The following EPHB2 variants were observed in gnomAD, a reference collection of about 807,000 sequenced individuals.
The protein encoded by EPHB2 is ephrin type-B receptor 2.
A neutral mutation model predicts 96.4 loss-of-function variants in EPHB2; 18 were observed. The ratio of observed to expected loss-of-function variants is 0.19; its 90% CI spans 0.13 to 0.28. The LOEUF (loss-of-function observed/expected upper bound fraction) is 0.28. EPHB2 is among the 10% of genes least tolerant of loss of function. The pLI, the probability that EPHB2 is intolerant of heterozygous loss-of-function variation, is 1.00. For missense variants in EPHB2, 989 were observed against 1,355.4 expected (o/e 0.73, Z 4.25); for synonymous variants, 506 against 534.1 (o/e 0.95, Z 0.72).
intron 5 of EPHB2, among the ~76,000 whole-genome samples, chr1:22,877,213 A>G (rs950764684): frequency 6.6e-6 from 1 of 152,228 alleles, no homozygotes; most frequent in Admixed American, 6.5e-5. Context: ...TTTGAATCCC[A>G]GCTCCACTGC....
intron 3 of EPHB2, among the ~76,000 whole-genome samples, chr1:22,851,698 C>T (rs1478339488): frequency 2.0e-5 from 3 of 152,242 alleles, no homozygotes; most frequent in Non-Finnish European, 4.4e-5. Flanking sequence ...GCCTTACTCT[C>T]CAGCCTCATC....
intron 4 of EPHB2, among the ~76,000 whole-genome samples, chr1:22,863,521 C>A (rs893394452): frequency 6.6e-5 from 10 of 152,138 alleles, no homozygotes; most frequent in Non-Finnish European, 1.2e-4. Context: ...AAAAGGCTGC[C>A]CAGTGTTCTA....
chr1:22,769,727 A>C (rs948237613), intron 1 of EPHB2, among the ~76,000 whole-genome samples: 3 of 152,196 alleles, frequency 2.0e-5, no homozygotes, highest in Non-Finnish European at 4.4e-5. Context: ...AGTACTCAGC[A>C]TGGGCCTGAC....
At chr1:22,848,270 ACT>A (rs1268077023) in intron 3 of EPHB2, among the ~76,000 whole-genome samples, 1 of 151,760 alleles carries the variant, frequency 6.6e-6, no homozygotes, top group Non-Finnish European at 1.5e-5. Context: ...GGCCTCCAGA[ACT>A]CTGCTGTGTG....
chr1:22,782,155 G>C (rs1190710179), intron 2 of EPHB2, among the ~76,000 whole-genome samples: 1 of 152,182 alleles, frequency 6.6e-6, no homozygotes, highest in East Asian at 1.9e-4. Context: ...CTCACCAGCT[G>C]TGTGATTTGG....
At chr1:22,797,797 C>T (rs1356621622) in intron 3 of EPHB2, among the ~76,000 whole-genome samples, 2 of 152,150 alleles carry the variant, frequency 1.3e-5, no homozygotes, top group Admixed American at 1.3e-4. Flanking sequence ...CCTTTCTGAC[C>T]GGTCTCCTCC....
intron 3 of EPHB2, among the ~76,000 whole-genome samples, chr1:22,833,231 C>T (rs1645332499): frequency 6.6e-6 from 1 of 152,110 alleles, no homozygotes; most frequent in African/African-American, 2.4e-5. Flanking sequence ...GATTCTCCTG[C>T]CTTCAGCCTC....
At chr1:22,795,852 C>T (rs4655111) in intron 3 of EPHB2, among the ~76,000 whole-genome samples, 89,702 of 151,982 alleles carry the variant, frequency 0.59, 27,900 homozygotes, top group Middle Eastern at 0.71. Context: ...TCCAATCAGA[C>T]AGCTCCCCCC....
At chr1:22,772,799 C>T (rs948781730) in intron 1 of EPHB2, among the ~76,000 whole-genome samples, 3 of 152,188 alleles carry the variant, frequency 2.0e-5, no homozygotes, top group African/African-American at 4.8e-5. Flanking sequence ...ATGGGCTTTA[C>T]AGGGCGTGCA....
chr1:22,726,661 A>G (rs1396293898), intron 1 of EPHB2, among the ~76,000 whole-genome samples: 1 of 152,106 alleles, frequency 6.6e-6, no homozygotes, highest in African/African-American at 2.4e-5. Context: ...ACTTCAAGTG[A>G]TCTGCCCGCC....
chr1:22,757,908 CTTTTTTTTTTTTTTTT>C (rs1224799943), intron 1 of EPHB2, among the ~76,000 whole-genome samples: 1 of 54,136 alleles, frequency 1.8e-5, no homozygotes, highest in Non-Finnish European at 3.3e-5. Context: ...GTAAGCTATG[CTTTTTTTTTTTTTTTT>C]TTTTTTTTTT....
chr1:22,713,173 C>T (rs1184541686), intron 1 of EPHB2, among the ~76,000 whole-genome samples: 1 of 152,086 alleles, frequency 6.6e-6, no homozygotes, highest in Admixed American at 6.5e-5. Flanking sequence ...CTGCAGCAGG[C>T]ACCCCAATGC....
intron 3 of EPHB2, among the ~76,000 whole-genome samples, chr1:22,852,599 G>T (rs1442794717): frequency 6.6e-6 from 1 of 152,182 alleles, no homozygotes; most frequent in Non-Finnish European, 1.5e-5. Context: ...GGCAATGCGG[G>T]GGTCCAGGGG....
intron 1 of EPHB2, among the ~76,000 whole-genome samples, chr1:22,728,255 A>G (rs1643628263): frequency 6.6e-6 from 1 of 152,248 alleles, no homozygotes; most frequent in African/African-American, 2.4e-5. Flanking sequence ...AATAAGGAAT[A>G]CATATGATTT....
intron 3 of EPHB2, among the ~76,000 whole-genome samples, chr1:22,791,446 TC>T (rs1375346671): frequency 0.048 from 5,975 of 123,912 alleles, 320 homozygotes; most frequent in African/African-American, 0.12. Context: ...TACATGGGTT[TC>T]TTTCTTTCTT....
At position 22,893,030 on chromosome 1, in the gene EPHB2, C is replaced by G. The variant is rs1415181342; in HGVS notation, c.1575C>G (p.Phe525Leu). ...GGCGCTACAGCGGCAAGATGTACTTCCAGACCATGACAGAAGGTGAGCAGA... is the reference window on the plus strand; with the variant it reads ...GGCGCTACAGCGGCAAGATGTACTTGCAGACCATGACAGAAGGTGAGCAGA... Reference protein sequence around the residue: ...GYGRYSGKMYFQTMTEAEYQT... With the variant: ...GYGRYSGKMYLQTMTEAEYQT... Residue 525 changes from phenylalanine to leucine, a missense_variant, in exon 7 of 16, where the codon TTC becomes TTG. Physicochemically the swap from Phe to Leu is conservative, Grantham distance 22 (BLOSUM62 0). Coordinates refer to ENST00000374630, the MANE Select transcript of EPHB2 (RefSeq NM_017449.5). 6.2e-7 allele frequency: 1 copy of G among 1,614,228 alleles called. No homozygotes were observed. The highest frequency in any genetic ancestry group is 8.5e-7 in the Non-Finnish European group (1 of 1,180,048).
intron 1 of EPHB2, among the ~76,000 whole-genome samples, chr1:22,753,717 C>A (rs1348545242): frequency 6.6e-6 from 1 of 152,120 alleles, no homozygotes; most frequent in African/African-American, 2.4e-5. Context: ...GACAGTTTGT[C>A]GGGGAGCTTG....
intron 1 of EPHB2, among the ~76,000 whole-genome samples, chr1:22,718,113 T>A (rs867666025): frequency 6.6e-6 from 1 of 151,960 alleles, no homozygotes; most frequent in Non-Finnish European, 1.5e-5. Flanking sequence ...GTGTACCAGG[T>A]TTTTCATCTC....
intron 6 of EPHB2, among the ~76,000 whole-genome samples, chr1:22,884,361 C>T (rs890614587): frequency 3.3e-5 from 5 of 152,126 alleles, no homozygotes; most frequent in Admixed American, 3.3e-4. Flanking sequence ...CAAAAATTAT[C>T]TGGGCATGGT....
Sources: allele counts gnomAD v4.1 joint callset (sites outside exome capture counted in the v4.1 genomes callset), GRCh38; gene constraint gnomAD v4.1.1; transcripts MANE v1.5; gene names NCBI Gene and HGNC (gene_info 2026-07-23, HGNC 2026-07-21).